Variants in LIMD1 observed in about 807,000 individuals in gnomAD.
LIMD1 encodes LIM domain-containing protein 1.
LIMD1 carries 23 observed loss-of-function variants against 58.4 expected under a neutral mutation model. The ratio of observed to expected loss-of-function variants is 0.39; its 90% CI spans 0.28 to 0.56. LIMD1 has a LOEUF of 0.56. LIMD1 is among the 20% of genes least tolerant of loss of function. LIMD1 has a pLI of 0.57. For missense variants in LIMD1, 838 were observed against 855.5 expected, an observed-to-expected ratio of 0.98 and a Z score of 0.25; for synonymous variants, 334 against 345.5, an observed-to-expected ratio of 0.97 and a Z score of 0.37.
intron 2 of LIMD1, among the ~76,000 whole-genome samples, chr3:45,644,759 G>A (rs951000197): frequency 1.3e-5 from 2 of 152,154 alleles, no homozygotes; most frequent in African/African-American, 4.8e-5. Flanking sequence ...GACAGGAGCC[G>A]GGCTGTAGCC....
intron 1 of LIMD1, among the ~76,000 whole-genome samples, chr3:45,600,536 C>T (rs1395531515): frequency 1.3e-5 from 2 of 152,214 alleles, no homozygotes; most frequent in South Asian, 4.1e-4. Context: ...CTCCCCACCC[C>T]CTGTCCCCGT....
At chr3:45,660,260 TGAG>T (rs200235134) in intron 2 of LIMD1, among the ~76,000 whole-genome samples, 5,985 of 152,212 alleles carry the variant, frequency 0.039, 123 homozygotes, top group African/African-American at 0.06. Flanking sequence ...TTTCCTCTCT[TGAG>T]GAATGAGTTT....
chr3:45,675,557 A>G (rs182758922), intron 7 of LIMD1, among the ~76,000 whole-genome samples: 12 of 151,946 alleles, frequency 7.9e-5, no homozygotes, highest in African/African-American at 2.9e-4. Flanking sequence ...GAGAGCCACA[A>G]ATTAAAGTCA....
At chr3:45,606,555 A>AC (rs1701470038) in intron 1 of LIMD1, among the ~76,000 whole-genome samples, 1 of 152,204 alleles carries the variant, frequency 6.6e-6, no homozygotes, top group Non-Finnish European at 1.5e-5. Flanking sequence ...CCTGCAGGGC[A>AC]GTGGACAGAG....
chr3:45,674,843 A>G (rs553284487), intron 7 of LIMD1, among the ~76,000 whole-genome samples: 1 of 152,260 alleles, frequency 6.6e-6, no homozygotes, highest in East Asian at 1.9e-4. Flanking sequence ...CCCCTCTTGG[A>G]AACAGGCATG....
chr3:45,630,726 G>A (rs960194839), intron 1 of LIMD1, among the ~76,000 whole-genome samples: 2 of 151,758 alleles, frequency 1.3e-5, no homozygotes, highest in Non-Finnish European at 2.9e-5. Context: ...GGGGTTGGGG[G>A]GCATGTGTGG....
intron 1 of LIMD1, among the ~76,000 whole-genome samples, chr3:45,635,280 A>G (rs780692844): frequency 1.3e-5 from 2 of 151,988 alleles, no homozygotes; most frequent in African/African-American, 2.4e-5. Flanking sequence ...TGATCTCCCT[A>G]TGTTGCCCAG....
chr3:45,664,006 G>C (rs1030783285), intron 2 of LIMD1, among the ~76,000 whole-genome samples: 1 of 151,738 alleles, frequency 6.6e-6, no homozygotes, highest in Non-Finnish European at 1.5e-5. Context: ...AAGTAGCTGG[G>C]GTTACAGGTG....
chr3:45,625,960 G>A (rs1701665539), intron 1 of LIMD1, among the ~76,000 whole-genome samples: 1 of 152,176 alleles, frequency 6.6e-6, no homozygotes, highest in Non-Finnish European at 1.5e-5. Context: ...AAGCTTATTT[G>A]TTTGACTAAT....
chr3:45,617,659 C>T (rs1701588515), intron 1 of LIMD1, among the ~76,000 whole-genome samples: 1 of 152,232 alleles, frequency 6.6e-6, no homozygotes, highest in Non-Finnish European at 1.5e-5. Context: ...ACCTGGTAAG[C>T]TGCAGAACTG....
chr3:45,635,409 C>T (rs532742693), intron 1 of LIMD1, among the ~76,000 whole-genome samples: 4,002 of 151,962 alleles, frequency 0.026, 171 homozygotes, highest in African/African-American at 0.09. Flanking sequence ...TAGGTAGGGG[C>T]CCATCAGCAA....
rs754901188 is a variant in LIMD1, at chr3:45,595,426, C to G, written c.547C>G (p.Leu183Val). ...CACTCATGGAGACTATTATGACAAC[C>G]TCTCCTTGGCAAGCCCAAAGTGGGG... ...CLTHGDYYDN[L>V]SLASPKWGDK... The change falls in exon 1 of 8, where the codon CTC becomes GTC. Residue 183 changes from leucine (L) to valine (V), a missense_variant. Leu to Val is a conservative substitution (Grantham distance 32). Around this residue, in one of 3 missense-constraint regions of LIMD1, gnomAD observed 659 missense variants for 639.8 expected, o/e 1.03. Coordinates refer to ENST00000273317, the MANE Select transcript of LIMD1 (RefSeq NM_014240.3). 6.2e-7 allele frequency: 1 copy of G among 1,614,058 alleles called. No homozygotes were observed. The highest frequency in any genetic ancestry group is 1.7e-5 in the Admixed American group (1 of 60,026).
At chr3:45,609,960 G>A (rs779332004) in intron 1 of LIMD1, among the ~76,000 whole-genome samples, 2 of 152,170 alleles carry the variant, frequency 1.3e-5, no homozygotes, top group African/African-American at 2.4e-5. Flanking sequence ...TTGGGAGGCC[G>A]AGGTGGGCAG....
rs1230122077 is a variant in LIMD1 at position 45,595,238 on chromosome 3, T to C, written c.359T>C (p.Leu120Pro). 1 of 1,604,316 alleles carries C rather than the reference T, an allele frequency of 6.2e-7. No homozygotes were observed. The highest frequency in any genetic ancestry group is 8.5e-7 in the Non-Finnish European group (1 of 1,175,086). Residue 120 changes from leucine to proline, a missense_variant, in exon 1 of 8, where the codon CTC (leucine) becomes CCC (proline). Physicochemically the swap from Leu to Pro is moderately conservative, Grantham distance 98. Around this residue, in one of 3 missense-constraint regions of LIMD1, gnomAD observed 659 missense variants for 639.8 expected, o/e 1.03. Transcript: ENST00000273317. ...STGAPGAVTT[L>P]AAGQPPYPPQ... ...GGGGCACCTGGGGCAGTCACCACCC[T>C]CGCTGCTGGGCAGCCCCCGTACCCA...
chr3:45,626,138 AT>A (rs1247537851), intron 1 of LIMD1, among the ~76,000 whole-genome samples: 2 of 152,330 alleles, frequency 1.3e-5, no homozygotes, highest in African/African-American at 2.4e-5. Context: ...GAATATTATG[AT>A]TTTTAAAAGA....
chr3:45,600,424 G>A (rs1701400050), intron 1 of LIMD1, among the ~76,000 whole-genome samples: 1 of 152,248 alleles, frequency 6.6e-6, no homozygotes, highest in East Asian at 1.9e-4. Flanking sequence ...GAACTCTCCT[G>A]GCACTTTCCA....
intron 1 of LIMD1, among the ~76,000 whole-genome samples, chr3:45,606,086 T>G (rs1701465495): frequency 6.6e-6 from 1 of 152,254 alleles, no homozygotes; most frequent in African/African-American, 2.4e-5. Flanking sequence ...TCTAGCAGTT[T>G]CTCTGCCAGA....
intron 1 of LIMD1, among the ~76,000 whole-genome samples, chr3:45,615,907 C>T (rs1382422099): frequency 1.3e-5 from 2 of 151,960 alleles, no homozygotes; most frequent in South Asian, 2.1e-4. Context: ...ATGAAGATGC[C>T]CTTCTTGCAT....
At chr3:45,643,685 C>T (rs1484759564) in intron 2 of LIMD1, among the ~76,000 whole-genome samples, 1 of 152,198 alleles carries the variant, frequency 6.6e-6, no homozygotes, top group Non-Finnish European at 1.5e-5. Context: ...TAAATATACT[C>T]TCCCCGCCAG....
Sources: gnomAD v4.1 joint callset for allele counts (sites outside exome capture counted in the v4.1 genomes callset) on GRCh38, gnomAD v4.1.1 for gene constraint, gnomAD v4.1.1 regional missense constraint, MANE v1.5 for transcripts, NCBI Gene and HGNC (gene_info 2026-07-23, HGNC 2026-07-21) for gene names.